Variants in ATP1B2 observed in about 807,000 individuals in gnomAD.
ATP1B2 encodes sodium/potassium-transporting ATPase subunit beta-2.
In ATP1B2, 12 loss-of-function variants were observed where a neutral mutation model predicts 37.3. The ratio of observed to expected loss-of-function variants is 0.32; its 90% CI spans 0.21 to 0.52. ATP1B2 has a LOEUF of 0.52. Ranked by LOEUF, ATP1B2 falls within the 20% of genes least tolerant of loss-of-function variation. ATP1B2 has a pLI of 0.96. For missense variants in ATP1B2, 324 were observed against 391.6 expected, an observed-to-expected ratio of 0.83 and a Z score of 1.46; for synonymous variants, 139 against 140.5, an observed-to-expected ratio of 0.99 and a Z score of 0.07.
Position 7,651,287 on chromosome 17 carries a change from AT to A in ATP1B2, c.-231del, listed in dbSNP as rs1335893412. 7.3e-6 allele frequency: 4 copies of A among 546,226 alleles called. No homozygotes were observed. The highest frequency in any genetic ancestry group is 1.3e-5 in the Non-Finnish European group (4 of 303,896). 33.8% of individuals were successfully genotyped at this position (546,226 alleles called of 1,614,324 possible). ...CCCTGCTCTGACAGCACCCCTTTTC[AT>A]CGCAGTTGGGGGGCCTAGGATCGGT... On this transcript the variant is annotated 5_prime_UTR_variant, in exon 1 of 7. Transcript: ENST00000250111.
chr17:7,651,858 C>T (rs2072615650), intron 1 of ATP1B2, among the ~76,000 whole-genome samples: 1 of 150,932 alleles, frequency 6.6e-6, no homozygotes, highest in Admixed American at 6.6e-5. Context: ...CCGCGGAGCC[C>T]CCTCGGGCGG....
chr17:7,648,433 G>T (rs761046992), upstream of ATP1B2, among the ~76,000 whole-genome samples: 5 of 151,626 alleles, frequency 3.3e-5, no homozygotes, highest in Non-Finnish European at 7.4e-5. Context: ...ACAGAAATTA[G>T]CCGGGCGTGG....
rs2072643348 is a variant in ATP1B2 at position 7,655,444 on chromosome 17, A to G, written c.610-83A>G. 2 of 1,381,824 alleles carry G rather than the reference A, an allele frequency of 1.4e-6. No homozygotes were observed. Among genetic ancestry groups the G allele is most frequent in the African/African-American group, 1.4e-5 (1 of 70,292 alleles). 85.6% of individuals were successfully genotyped at this position (1,381,824 alleles called of 1,614,324 possible). ...GAATAATTGGGGCGAAGGAAGAACA[A>G]AAGAACAAATGGAAGTCTGGTGAGC... On this transcript the variant is annotated intron_variant, in intron 5 of 6. Transcript: ENST00000250111. The surrounding 1 kb of genome is among the most constrained non-coding windows in gnomAD (Gnocchi z 4.4).
chr17:7,653,230 C>T (rs2150977908), intron 1 of ATP1B2, 144 bp from the exon 2 acceptor site: 2 of 1,259,630 alleles, frequency 1.6e-6, no homozygotes, highest in East Asian at 2.4e-5. Context: ...CTCATTTTGC[C>T]TCCAGAGGAA....
Position 7,651,466 on chromosome 17 carries a change from C to T in ATP1B2, c.-53C>T. Reference sequence around the variant, plus strand: ...TGGAGGGCTTCAGCGCGCGGCGCCCCCGCTTCTCCGCAACCCCCCGCCCCG... The same window carrying T: ...TGGAGGGCTTCAGCGCGCGGCGCCCTCGCTTCTCCGCAACCCCCCGCCCCG... On this transcript the variant is annotated 5_prime_UTR_variant, in exon 1 of 7. Transcript: ENST00000250111. 1.3e-6 allele frequency: 2 copies of T among 1,503,478 alleles called. No individual in the cohort carries two copies. The highest frequency in any genetic ancestry group is 1.2e-5 in the South Asian group (1 of 83,242). 93.1% of individuals were successfully genotyped at this position (1,503,478 alleles called of 1,614,324 possible). A position where few individuals can be genotyped will look rare whatever the true frequency, so the allele number is the denominator to read the frequency against.
chr17:7,651,978 T>C (rs2072616927), intron 1 of ATP1B2, among the ~76,000 whole-genome samples: 1 of 151,852 alleles, frequency 6.6e-6, no homozygotes, highest in African/African-American at 2.4e-5. Flanking sequence ...CTTCCCTCCC[T>C]CCGGCTCTCA....
chr17:7,650,070 G>A (rs1297022811), upstream of ATP1B2, among the ~76,000 whole-genome samples: 1 of 152,172 alleles, frequency 6.6e-6, no homozygotes. Flanking sequence ...GAGAGATGTG[G>A]CTTCAGTGTA....
intron 3 of ATP1B2, 21 bp downstream of exon 3, chr17:7,653,966 G>C: frequency 1.9e-6 from 3 of 1,613,948 alleles, no homozygotes; most frequent in Non-Finnish European, 2.5e-6. Flanking sequence ...GCCTGGTTAT[G>C]TGTCAGTTCA....
At position 7,651,479 on chromosome 17, in the gene ATP1B2, AC is replaced by A. The variant is rs749297897; in HGVS notation, c.-34del. ...CGCGCGGCGCCCCCGCTTCTCCGCA[AC>A]CCCCCGCCCCGCGCCCGGACTCGCC... On this transcript the variant is annotated 5_prime_UTR_variant, in exon 1 of 7. Coordinates refer to ENST00000250111, the MANE Select transcript of ATP1B2 (RefSeq NM_001678.5). The A allele has an allele frequency of 2.8e-5, 43 of 1,534,176 alleles. No homozygotes were observed. The highest frequency in any genetic ancestry group is 3.4e-5 in the Non-Finnish European group (39 of 1,133,340).
upstream of ATP1B2, among the ~76,000 whole-genome samples, chr17:7,648,809 T>C (rs1359173047): frequency 6.6e-6 from 1 of 152,092 alleles, no homozygotes; most frequent in East Asian, 1.9e-4. Flanking sequence ...TATTAGCCTG[T>C]AGGATAGAGT....
upstream of ATP1B2, among the ~76,000 whole-genome samples, chr17:7,647,826 G>A (rs200441320): frequency 5.5e-5 from 8 of 145,894 alleles, no homozygotes; most frequent in African/African-American, 5.1e-5. Context: ...CTCAAAAAAA[G>A]AAAAAAAAAA....
In ATP1B2 at chr17:7,655,188, C is replaced by T. The variant is rs983175573; in HGVS notation, c.610-339C>T. 5.2e-6 allele frequency: 2 copies of T among 382,890 alleles called. No individual in the cohort carries two copies. The highest frequency in any genetic ancestry group is 9.5e-6 in the Non-Finnish European group (2 of 209,944). The allele number at this position is 382,890 out of a possible 1,614,324, so 23.7% of individuals were successfully genotyped here. A position where few individuals can be genotyped will look rare whatever the true frequency, so the allele number is the denominator to read the frequency against. ...CCCTCCACATCCCCTTCCTTGCTTC[C>T]TATTCAACCCTTAATCATGTATCTC... On this transcript the variant is annotated intron_variant, in intron 5 of 6. Coordinates refer to ENST00000250111, the MANE Select transcript of ATP1B2 (RefSeq NM_001678.5). This position sits in a 1 kb window ranked among gnomAD's most constrained non-coding sequence, Gnocchi z 4.4.
In ATP1B2 at chr17:7,654,206, C is replaced by G. The variant is rs772711589; in HGVS notation, c.501C>G (p.Thr167=). The change falls in exon 4 of 7, where the codon ACC becomes ACG. Residue 167 remains threonine (T), a synonymous_variant. Transcript: ENST00000250111. This position sits in a 1 kb window ranked among gnomAD's most constrained non-coding sequence, Gnocchi z 4.9. Reference sequence around the variant, plus strand: ...ACTGCTCCGGCATTGGGGACTCCACCCACTATGGTTACAGCACTGGGCAGC... The same window carrying G: ...ACTGCTCCGGCATTGGGGACTCCACGCACTATGGTTACAGCACTGGGCAGC... ...LGNCSGIGDS[T]HYGYSTGQPC... is the part of the protein sequence containing the mutation. The G allele has an allele frequency of 6.2e-7, 1 of 1,614,140 alleles. No individual in the cohort carries two copies.
chr17:7,653,609 T>TC, intron 2 of ATP1B2, 107 bp downstream of exon 2: 1 of 1,505,254 alleles, frequency 6.6e-7, no homozygotes, highest in Non-Finnish European at 8.9e-7. Context: ...GATGACCCAA[T>TC]CCCCACGTGC....
chr17:7,653,811 A>AGT, intron 2 of ATP1B2, 30 bp from the exon 3 acceptor site: 2 of 1,602,228 alleles, frequency 1.2e-6, no homozygotes, highest in Non-Finnish European at 1.7e-6. Flanking sequence ...TCTTATAGAT[A>AGT]CCCCCAACTT....
chr17:7,653,784 C>G, intron 2 of ATP1B2, 57 bp from the exon 3 acceptor site: 1 of 1,538,758 alleles, frequency 6.5e-7, no homozygotes, highest in Non-Finnish European at 9.0e-7. Flanking sequence ...TTTCTTCCCT[C>G]TGTGTGCAGT....
chr17:7,654,614 C>T lies in ATP1B2; in HGVS notation c.553-14C>T, dbSNP rs1211791904. ...TCTTCCTCTGACTCTCTTCACCTTC[C>T]ACCCTCACTCCAGGTCATCAACTTC... On this transcript the variant is annotated splice_polypyrimidine_tract_variant and intron_variant, in intron 4 of 6. Transcript: ENST00000250111. This position sits in a 1 kb window ranked among gnomAD's most constrained non-coding sequence, Gnocchi z 4.9. The T allele has an allele frequency of 1.2e-5, 19 of 1,613,832 alleles. No individual in the cohort carries two copies. The highest frequency in any genetic ancestry group is 2.2e-5 in the East Asian group (1 of 44,896).
chr17:7,653,290 C>G, intron 1 of ATP1B2, 84 bp from the exon 2 acceptor site: 1 of 1,584,622 alleles, frequency 6.3e-7, no homozygotes, highest in Admixed American at 1.7e-5. Flanking sequence ...TGCAGAACTT[C>G]AGAGTGGGTA....
At chr17:7,647,302 G>A (rs1370203158), upstream of ATP1B2, among the ~76,000 whole-genome samples, 1 of 152,060 alleles carries the variant, frequency 6.6e-6, no homozygotes, top group Non-Finnish European at 1.5e-5. Flanking sequence ...TGACATAGAA[G>A]GAAAGGGAAG....
Sources: allele counts gnomAD v4.1 joint callset (sites outside exome capture counted in the v4.1 genomes callset), GRCh38; gene constraint gnomAD v4.1.1; non-coding constraint Gnocchi (gnomAD v3.1); transcripts MANE v1.5; gene names NCBI Gene and HGNC (gene_info 2026-07-23, HGNC 2026-07-21).